Variants in CCDC85C observed in about 807,000 individuals in gnomAD.
The protein encoded by CCDC85C is coiled-coil domain-containing protein 85C.
CCDC85C carries 18 observed loss-of-function variants against 38.3 expected under a neutral mutation model. The ratio of observed to expected loss-of-function variants is 0.47; its 90% CI spans 0.33 to 0.70. CCDC85C has a LOEUF of 0.70. Ranked by LOEUF, CCDC85C falls within the 30% of genes least tolerant of loss-of-function variation. The pLI is 0.03. For synonymous variants in CCDC85C, 264 were observed against 293.8 expected (o/e 0.90, Z 1.04); for missense variants, 566 against 621.2 (o/e 0.91, Z 0.94).
chr14:99,527,040 G>A (rs1437938373), intron 2 of CCDC85C, among the ~76,000 whole-genome samples: 3 of 152,162 alleles, frequency 2.0e-5, no homozygotes, highest in African/African-American at 4.8e-5. Flanking sequence ...GACAGGGCAG[G>A]GGTCAGGGCT....
intron 1 of CCDC85C, among the ~76,000 whole-genome samples, chr14:99,600,211 C>T (rs2055184774): frequency 1.3e-5 from 2 of 152,238 alleles, no homozygotes; most frequent in South Asian, 2.1e-4. Flanking sequence ...CCCAAGGACC[C>T]TAACAACAGG....
intron 1 of CCDC85C, among the ~76,000 whole-genome samples, chr14:99,540,411 G>T (rs559825310): frequency 6.6e-6 from 1 of 152,244 alleles, no homozygotes; most frequent in Non-Finnish European, 1.5e-5. Context: ...CCCCGGGAAG[G>T]GCCGGCTCCC....
At chr14:99,575,503 C>T (rs188741371) in intron 1 of CCDC85C, among the ~76,000 whole-genome samples, 4 of 152,346 alleles carry the variant, frequency 2.6e-5, no homozygotes, top group African/African-American at 9.6e-5. Context: ...GCTCAAAGCA[C>T]CACAAAAATG....
chr14:99,511,985 C>T lies in CCDC85C; in HGVS notation c.*3261G>A, dbSNP rs558979296. The T allele has an allele frequency of 1.3e-5, 2 of 152,378 alleles. No individual in the cohort carries two copies. Among genetic ancestry groups the T allele is most frequent in the Admixed American group, 1.3e-4 (2 of 15,302 alleles). 9.4% of individuals were successfully genotyped at this position (152,378 alleles called of 1,614,324 possible). A position where few individuals can be genotyped will look rare whatever the true frequency, so the allele number is the denominator to read the frequency against. On this transcript the variant is annotated 3_prime_UTR_variant, in exon 6 of 6. Coordinates refer to ENST00000380243, the MANE Select transcript of CCDC85C (RefSeq NM_001144995.2). ...TGAGGGGCCTTGGCCCTGTCTCTGC[C>T]TGCTGACCCTGCCACCCACGACAGA...
chr14:99,589,478 C>G (rs117896169), intron 1 of CCDC85C, among the ~76,000 whole-genome samples: 1 of 152,212 alleles, frequency 6.6e-6, no homozygotes, highest in African/African-American at 2.4e-5. Flanking sequence ...TTCAGTTGAT[C>G]TATTTTTATT....
At chr14:99,538,323 T>C (rs1015491402) in intron 1 of CCDC85C, among the ~76,000 whole-genome samples, 4 of 152,184 alleles carry the variant, frequency 2.6e-5, no homozygotes, top group Non-Finnish European at 5.9e-5. Flanking sequence ...AGCCCCAGCC[T>C]TGGAGAGAAG....
chr14:99,528,673 G>A (rs977670727), intron 2 of CCDC85C, among the ~76,000 whole-genome samples: 2 of 152,240 alleles, frequency 1.3e-5, no homozygotes, highest in Admixed American at 6.5e-5. Flanking sequence ...CCAGGTGGGG[G>A]ATGCACGCCC....
At position 99,504,053 on chromosome 14, in the gene CCDC85C, G is replaced by A; in HGVS notation, c.*11193C>T. The A allele has an allele frequency of 5.3e-6, 2 of 379,590 alleles. No individual in the cohort carries two copies. The highest frequency in any genetic ancestry group is 5.2e-6 in the Non-Finnish European group (1 of 191,688). The allele number at this position is 379,590 out of a possible 1,614,324, so 23.5% of individuals were successfully genotyped here. On this transcript the variant is annotated 3_prime_UTR_variant, in exon 6 of 6. Coordinates refer to ENST00000380243, the MANE Select transcript of CCDC85C (RefSeq NM_001144995.2). Reference sequence around the variant, plus strand: ...GTGCTGCCCGGACAGCACCAGCCCGGCCCAGCCCAGCTGCCCTTGCAGGCA... The same window carrying A: ...GTGCTGCCCGGACAGCACCAGCCCGACCCAGCCCAGCTGCCCTTGCAGGCA...
chr14:99,535,149 C>A lies in CCDC85C; in HGVS notation c.867+866G>T, dbSNP rs193215316. ...GCTGGGCAGTCGGCACCAAGCCTGG[C>A]TGGTCACCTAGCAACAGGGCCAGGC... On this transcript the variant is annotated intron_variant, in intron 2 of 5. Transcript: ENST00000380243. The surrounding 1 kb of genome is among the most constrained non-coding windows in gnomAD (Gnocchi z 5.5). The A allele has an allele frequency of 1.2e-4, 21 of 178,656 alleles. No individual in the cohort carries two copies. Among genetic ancestry groups the A allele is most frequent in the Non-Finnish European group, 2.4e-4 (20 of 85,004 alleles). 11.1% of individuals were successfully genotyped at this position (178,656 alleles called of 1,614,324 possible).
intron 1 of CCDC85C, among the ~76,000 whole-genome samples, chr14:99,547,603 G>C (rs1270695408): frequency 6.6e-6 from 1 of 152,046 alleles, no homozygotes; most frequent in Non-Finnish European, 1.5e-5. Flanking sequence ...GTGAAACTCT[G>C]TCTCTACTGA....
At chr14:99,580,039 G>T (rs1354202887) in intron 1 of CCDC85C, 1 of 455,606 alleles carries the variant, frequency 2.2e-6, no homozygotes. Flanking sequence ...GAGTCACATG[G>T]GCAGGGCTGG....
At chr14:99,574,577 A>G (rs934917790) in intron 1 of CCDC85C, among the ~76,000 whole-genome samples, 15 of 152,144 alleles carry the variant, frequency 9.9e-5, no homozygotes, top group Non-Finnish European at 1.8e-4. Context: ...CCGGCCTGTG[A>G]GGAGGGGAGG....
At chr14:99,566,422 G>T (rs1260081872) in intron 1 of CCDC85C, among the ~76,000 whole-genome samples, 2 of 152,134 alleles carry the variant, frequency 1.3e-5, no homozygotes, top group Non-Finnish European at 2.9e-5. Context: ...TTGAATCCAG[G>T]GCTGACTGGC....
chr14:99,586,296 G>A (rs533889882), intron 1 of CCDC85C, among the ~76,000 whole-genome samples: 21 of 152,356 alleles, frequency 1.4e-4, no homozygotes, highest in African/African-American at 4.3e-4. Flanking sequence ...GAGTGGGGAC[G>A]TGGCCATCAG....
Position 99,517,092 on chromosome 14 carries a change from A to G in CCDC85C, c.1067T>C (p.Met356Thr), listed in dbSNP as rs1372243060. 1 of 1,550,302 alleles carries G rather than the reference A, an allele frequency of 6.5e-7. No homozygotes were observed. The highest frequency in any genetic ancestry group is 8.7e-7 in the Non-Finnish European group (1 of 1,146,896). The change falls in exon 4 of 6, where the codon ATG (methionine) becomes ACG (threonine). Residue 356 changes from methionine to threonine, a missense_variant. Met to Thr is a moderately conservative substitution (Grantham distance 81). Coordinates refer to ENST00000380243, the MANE Select transcript of CCDC85C (RefSeq NM_001144995.2). The stretch of plus-strand genomic sequence containing the variant: ...GGAGCGGGTAGTGGCCCTCACCTTC[A>G]TGGCATGCACGACAGCCTCGGGCTT... Reference protein sequence around the residue: ...GQKPEAVVHAMKVLEVHENLD... With the variant: ...GQKPEAVVHATKVLEVHENLD...
In CCDC85C at chr14:99,502,894, C is replaced by T; in HGVS notation, c.*12352G>A. 1.2e-6 allele frequency: 2 copies of T among 1,613,594 alleles called. No homozygotes were observed. Among genetic ancestry groups the T allele is most frequent in the Non-Finnish European group, 1.7e-6 (2 of 1,179,684 alleles). On this transcript the variant is annotated 3_prime_UTR_variant, in exon 6 of 6. Transcript: ENST00000380243. The stretch of plus-strand genomic sequence containing the variant: ...CATCCCAGCCCCAGCAGAAGGACCC[C>T]CAGCAACCAGCCCAGCAGCAGCAGC...
chr14:99,575,059 G>T (rs1898442954), intron 1 of CCDC85C, among the ~76,000 whole-genome samples: 1 of 152,196 alleles, frequency 6.6e-6, no homozygotes, highest in Non-Finnish European at 1.5e-5. Flanking sequence ...TGGCCTTTTG[G>T]ATGGCATCTG....
At position 99,588,988 on chromosome 14, in the gene CCDC85C, A is replaced by C. The variant is rs983723878; in HGVS notation, c.793+14179T>G. On this transcript the variant is annotated intron_variant, in intron 1 of 5. Coordinates refer to ENST00000380243, the MANE Select transcript of CCDC85C (RefSeq NM_001144995.2). The surrounding 1 kb of genome is among the most constrained non-coding windows in gnomAD (Gnocchi z 5.0). ...TCAGAGACTGAGGCAGAAAGAAAATAATCAGGAGGAAGAAGTCCAGGAAGC... is the reference window on the plus strand; with the variant it reads ...TCAGAGACTGAGGCAGAAAGAAAATCATCAGGAGGAAGAAGTCCAGGAAGC... Among the ~76,000 whole-genome samples the C allele has an allele frequency of 6.6e-6, 1 of 152,158 alleles. No individual in the cohort carries two copies. Among genetic ancestry groups the C allele is most frequent in the African/African-American group, 2.4e-5 (1 of 41,426 alleles).
At chr14:99,581,150 C>A (rs2054964276) in intron 1 of CCDC85C, among the ~76,000 whole-genome samples, 1 of 152,164 alleles carries the variant, frequency 6.6e-6, no homozygotes, top group Admixed American at 6.5e-5. Context: ...GAAACCCCAC[C>A]ATCAGCACTG....
Sources: gnomAD v4.1 joint callset for allele counts (sites outside exome capture counted in the v4.1 genomes callset) on GRCh38, gnomAD v4.1.1 for gene constraint, Gnocchi (gnomAD v3.1) non-coding constraint, MANE v1.5 for transcripts, NCBI Gene and HGNC (gene_info 2026-07-23, HGNC 2026-07-21) for gene names.